LRP1B: variants seen among roughly 807,000 people sequenced by gnomAD.
LRP1B encodes low-density lipoprotein receptor-related protein 1B.
LRP1B carries 217 observed loss-of-function variants against 556.6 expected under a neutral mutation model. That is an observed-to-expected ratio of 0.39 (90% CI 0.35 to 0.44). The LOEUF (loss-of-function observed/expected upper bound fraction) is 0.44, where lower values mean the gene tolerates loss of function less well. Among genes scored for constraint, LRP1B ranks in the 20% least tolerant of loss-of-function variants. LRP1B has a pLI of 1.00. For synonymous variants in LRP1B, 2,047 were observed against 1,865.8 expected (o/e 1.10, Z -2.50); for missense variants, 5,053 against 5,620.8 (o/e 0.90, Z 3.23).
chr2:140,544,324 A>G (rs893889757), intron 43 of LRP1B, among the ~76,000 whole-genome samples: 1 of 151,848 alleles, frequency 6.6e-6, no homozygotes, highest in African/African-American at 2.4e-5. Context: ...TCACAGGGGT[A>G]TTAACTTTTA....
intron 1 of LRP1B, among the ~76,000 whole-genome samples, chr2:141,908,664 A>G (rs760914921): frequency 1.3e-5 from 2 of 152,098 alleles, no homozygotes; most frequent in Non-Finnish European, 2.9e-5. Flanking sequence ...ATATATATGA[A>G]TACTTCTAAT....
At chr2:141,275,572 T>C (rs1685253978) in intron 3 of LRP1B, among the ~76,000 whole-genome samples, 1 of 152,052 alleles carries the variant, frequency 6.6e-6, no homozygotes, top group Admixed American at 6.6e-5. Flanking sequence ...CAGCTGGGCA[T>C]GGTGGTGCAT....
At chr2:140,499,083 A>G (rs1400974802) in intron 55 of LRP1B, among the ~76,000 whole-genome samples, 2 of 151,872 alleles carry the variant, frequency 1.3e-5, no homozygotes, top group Non-Finnish European at 2.9e-5. Context: ...TCTTGAGAAG[A>G]CAAAATGAAA....
At chr2:141,198,558 G>T (rs111787900) in intron 6 of LRP1B, among the ~76,000 whole-genome samples, 1 of 152,102 alleles carries the variant, frequency 6.6e-6, no homozygotes, top group Admixed American at 6.6e-5. Flanking sequence ...TCAATATCAG[G>T]TATCTGTGCG....
chr2:141,373,900 C>T (rs1689332558), intron 3 of LRP1B, among the ~76,000 whole-genome samples: 1 of 151,712 alleles, frequency 6.6e-6, no homozygotes, highest in Non-Finnish European at 1.5e-5. Context: ...TGTCATGTTG[C>T]CATTTGATTC....
intron 49 of LRP1B, among the ~76,000 whole-genome samples, chr2:140,521,262 C>T (rs1005117188): frequency 6.6e-6 from 1 of 151,974 alleles, no homozygotes; most frequent in African/African-American, 2.4e-5. Flanking sequence ...ATTGGGCTAT[C>T]CAACATCAAC....
intron 7 of LRP1B, among the ~76,000 whole-genome samples, chr2:141,081,914 G>A (rs1699932438): frequency 1.3e-5 from 2 of 152,106 alleles, no homozygotes; most frequent in East Asian, 1.9e-4. Flanking sequence ...AGAGCTCTTT[G>A]AGAAAATACA....
chr2:142,116,223 A>AAAT (rs1707270821), intron 1 of LRP1B, among the ~76,000 whole-genome samples: 10 of 131,744 alleles, frequency 7.6e-5, no homozygotes, highest in African/African-American at 3.3e-4. Flanking sequence ...AAAGAATGAG[A>AAAT]AAGATATCAC....
intron 2 of LRP1B, among the ~76,000 whole-genome samples, chr2:141,555,677 T>C (rs1685937211): frequency 1.3e-5 from 2 of 152,102 alleles, no homozygotes; most frequent in South Asian, 4.1e-4. Flanking sequence ...TCATGCTTTG[T>C]AAAATTTTGA....
intron 66 of LRP1B, among the ~76,000 whole-genome samples, chr2:140,396,349 T>C (rs1188401651): frequency 6.6e-6 from 1 of 152,230 alleles, no homozygotes; most frequent in Non-Finnish European, 1.5e-5. Context: ...AGATATTTGA[T>C]TATATTTGTC....
At chr2:141,193,625 C>G (rs114032752) in intron 6 of LRP1B, among the ~76,000 whole-genome samples, 1 of 151,612 alleles carries the variant, frequency 6.6e-6, no homozygotes, top group African/African-American at 2.4e-5. Context: ...GTAGAAAAGA[C>G]AACTTTTGGG....
chr2:140,256,801 C>CA (rs1208518477), intron 86 of LRP1B, among the ~76,000 whole-genome samples: 4 of 151,190 alleles, frequency 2.6e-5, no homozygotes, highest in Non-Finnish European at 5.9e-5. Context: ...TAAAACTCAG[C>CA]AAAAAAATTT....
chr2:140,977,435 T>C lies in LRP1B; in HGVS notation c.2887+4725A>G, dbSNP rs563881141. 3.9e-5 allele frequency among the ~76,000 whole-genome samples: 6 copies of C among 152,298 alleles called. No individual in the cohort carries two copies. The South Asian group carries it at 1.0e-3, about 26-fold the overall frequency. ...CAGCGTGAAAATGGACTAATACATA[T>C]GGGAAGGAAATTTGTAAGGATAATT... is the stretch of plus-strand genomic sequence containing the variant. On this transcript the variant is annotated intron_variant, in intron 18 of 90. Coordinates refer to ENST00000389484, the MANE Select transcript of LRP1B (RefSeq NM_018557.3).
At chr2:142,056,083 G>A (rs1704658810) in intron 1 of LRP1B, among the ~76,000 whole-genome samples, 1 of 152,038 alleles carries the variant, frequency 6.6e-6, no homozygotes, top group Admixed American at 6.6e-5. Flanking sequence ...CCCAGGAGGT[G>A]GAGGTTGCAG....
In LRP1B at chr2:141,739,677, G is replaced by GT. The variant is rs1339315298; in HGVS notation, c.205+70601dup. Among the ~76,000 whole-genome samples, 8 of 114,030 alleles carry GT rather than the reference G, an allele frequency of 7.0e-5. No homozygotes were observed. In the South Asian group the frequency reaches 2.1e-3, roughly 30 times the overall value. The allele number at this position is 114,030 out of a possible 152,430, so 74.8% of individuals were successfully genotyped here. On this transcript the variant is annotated intron_variant, in intron 2 of 90. Coordinates refer to ENST00000389484, the MANE Select transcript of LRP1B (RefSeq NM_018557.3). ...TAGCATAATTAGATATTATCTACTGGTTGTTTTTTTTTTTTTGCCACCATT... is the reference window on the plus strand; with the variant it reads ...TAGCATAATTAGATATTATCTACTGGTTTGTTTTTTTTTTTTTGCCACCATT...
chr2:140,347,267 CTT>C (rs1438278307), intron 77 of LRP1B, among the ~76,000 whole-genome samples: 1 of 151,600 alleles, frequency 6.6e-6, no homozygotes, highest in African/African-American at 2.4e-5. Flanking sequence ...TCATGTCACT[CTT>C]TTAAGTTTTA....
intron 59 of LRP1B, among the ~76,000 whole-genome samples, chr2:140,485,132 T>TA (rs971738693): frequency 1.3e-5 from 2 of 152,168 alleles, no homozygotes; most frequent in Non-Finnish European, 1.5e-5. Context: ...TTTAAAACTT[T>TA]AAAAAAATAG....
At chr2:141,483,684 G>A (rs1404480690) in intron 2 of LRP1B, among the ~76,000 whole-genome samples, 10 of 152,052 alleles carry the variant, frequency 6.6e-5, no homozygotes, top group Admixed American at 6.6e-4. Flanking sequence ...ATCTCATTGT[G>A]GTTCTGATTT....
At chr2:140,772,341 A>T (rs1300956356) in intron 33 of LRP1B, among the ~76,000 whole-genome samples, 1 of 151,684 alleles carries the variant, frequency 6.6e-6, no homozygotes, top group East Asian at 1.9e-4. Flanking sequence ...AGACAGTCTC[A>T]CTCTGTTGCC....
Sources: allele counts gnomAD v4.1 joint callset (sites outside exome capture counted in the v4.1 genomes callset), GRCh38; gene constraint gnomAD v4.1.1; transcripts MANE v1.5; gene names NCBI Gene and HGNC (gene_info 2026-07-23, HGNC 2026-07-21).